Variants in GLYAT observed in about 807,000 individuals in gnomAD.
GLYAT encodes glycine N-acyltransferase.
GLYAT carries 25 observed loss-of-function variants against 22.8 expected under a neutral mutation model. The ratio of observed to expected loss-of-function variants is 1.09; its 90% confidence interval spans 0.80 to 1.53. The LOEUF is 1.53. Ranked by LOEUF, GLYAT falls within the 40% of genes most tolerant of loss-of-function variation. The pLI is 0.00. For synonymous variants in GLYAT, 140 were observed against 122.7 expected, an observed-to-expected ratio of 1.14 and a Z score of -0.93; for missense variants, 411 against 353.9, an observed-to-expected ratio of 1.16 and a Z score of -1.29.
chr11:58,724,577 G>T, intron 1 of GLYAT, 66 bp from the exon 2 acceptor site: 2 of 782,762 alleles, frequency 2.6e-6, no homozygotes, highest in Non-Finnish European at 1.9e-6. Context: ...AACAAGAGTA[G>T]CAAGTTCTTT....
At position 58,709,271 on chromosome 11, in the gene GLYAT, A is replaced by G. The variant is rs1856578915; in HGVS notation, c.*495T>C. ...TAATATCCCATATATATTTGTGTCC[A>G]GTATATTTAATGTACCTATAAAGTA... On this transcript the variant is annotated 3_prime_UTR_variant, in exon 6 of 6. Transcript: ENST00000344743. The G allele has an allele frequency of 1.3e-5, 2 of 154,992 alleles. No individual in the cohort carries two copies. The highest frequency in any genetic ancestry group is 2.9e-5 in the Non-Finnish European group (2 of 69,756). 9.6% of individuals were successfully genotyped at this position (154,992 alleles called of 1,614,324 possible). A position where few individuals can be genotyped will look rare whatever the true frequency, so the allele number is the denominator to read the frequency against.
At chr11:58,724,364 C>T in intron 2 of GLYAT, 52 bp downstream of exon 2, 1 of 976,898 alleles carries the variant, frequency 1.0e-6, no homozygotes, top group Non-Finnish European at 1.6e-6. Flanking sequence ...TTTCCCTCCT[C>T]TTTCACATCA....
intron 1 of GLYAT, 130 bp from the exon 2 acceptor site, chr11:58,724,641 A>G: frequency 2.4e-6 from 1 of 424,222 alleles, no homozygotes; most frequent in South Asian, 8.8e-5. Flanking sequence ...TCCTCAGCAA[A>G]TCCAAGAGAA....
intron 3 of GLYAT, among the ~76,000 whole-genome samples, chr11:58,714,577 C>A (rs1018355937): frequency 6.6e-6 from 1 of 152,122 alleles, no homozygotes; most frequent in South Asian, 2.1e-4. Flanking sequence ...ATAATCCCCA[C>A]GTGTAATGAG....
intron 2 of GLYAT, among the ~76,000 whole-genome samples, chr11:58,722,601 G>T (rs919801134): frequency 2.6e-5 from 4 of 152,084 alleles, no homozygotes; most frequent in African/African-American, 4.8e-5. Flanking sequence ...CCTTTCCAAA[G>T]AGGCAATCAG....
In GLYAT at chr11:58,710,660, C is replaced by A; in HGVS notation, c.418G>T (p.Ala140Ser). Residue 140 changes from alanine to serine, a missense_variant, in exon 5 of 6, where the codon GCC (alanine) becomes TCC (serine). Physicochemically the swap from Ala to Ser is moderately conservative, Grantham distance 99. Coordinates refer to ENST00000344743, the MANE Select transcript of GLYAT (RefSeq NM_201648.3). Reference sequence around the variant, plus strand: ...AGCAGGAAAGGAGTCAGTTCCTTGGCTGTTTCAGCTGCCATATAGAGAATG... The same window carrying A: ...AGCAGGAAAGGAGTCAGTTCCTTGGATGTTTCAGCTGCCATATAGAGAATG... ...QRILYMAAET[A>S]KELTPFLLKS... 1 of 1,611,852 alleles carries A rather than the reference C, an allele frequency of 6.2e-7. No individual in the cohort carries two copies. Among genetic ancestry groups the A allele is most frequent in the Non-Finnish European group, 8.5e-7 (1 of 1,177,970 alleles).
In GLYAT at chr11:58,720,457, C is replaced by T. The variant is rs191423897; in HGVS notation, c.81+3959G>A. On this transcript the variant is annotated intron_variant, in intron 2 of 5. Coordinates refer to ENST00000344743, the MANE Select transcript of GLYAT (RefSeq NM_201648.3). ...AAGATTATAACTGAGACAGTGAAAA[C>T]GGATTTGACCTAACTGACTCCATCT... is the stretch of plus-strand genomic sequence containing the variant. Among the ~76,000 whole-genome samples, 204 of 152,054 alleles carry T rather than the reference C, an allele frequency of 1.3e-3. 4 individuals carry two copies. The East Asian group carries it at 0.03, about 23-fold the overall frequency.
chr11:58,717,849 C>G (rs967315813), intron 2 of GLYAT, among the ~76,000 whole-genome samples: 1 of 151,952 alleles, frequency 6.6e-6, no homozygotes, highest in Admixed American at 6.6e-5. Flanking sequence ...TTTAAATTGG[C>G]TTTGATGAAA....
chr11:58,721,115 G>A (rs1266637153), intron 2 of GLYAT, among the ~76,000 whole-genome samples: 2 of 151,648 alleles, frequency 1.3e-5, no homozygotes, highest in Non-Finnish European at 2.9e-5. Flanking sequence ...GCATGCCAAC[G>A]GAAGTACATT....
At chr11:58,712,653 G>C in intron 4 of GLYAT, 107 bp downstream of exon 4, 3 of 949,224 alleles carry the variant, frequency 3.2e-6, no homozygotes, top group Non-Finnish European at 5.0e-6. Flanking sequence ...TAACAAAATT[G>C]ACAGCAGGCT....
chr11:58,731,125 TAAAC>T (rs1186006132), intron 1 of GLYAT, among the ~76,000 whole-genome samples: 4 of 152,192 alleles, frequency 2.6e-5, no homozygotes, highest in Admixed American at 6.5e-5. Flanking sequence ...ATAATTTAAA[TAAAC>T]AATAAATCTT....
Position 58,709,868 on chromosome 11 carries a change from A to C in GLYAT, c.789T>G (p.Ser263=). Residue 263 remains serine (S), a synonymous_variant, in exon 6 of 6, where the codon TCT becomes TCG. Transcript: ENST00000344743. Reference sequence around the variant, plus strand: ...TAGCTTCATTGCTGTAGTCTACATGAGAATAGACAGGAAACCCAAGTTTGC... The same window carrying C: ...TAGCTTCATTGCTGTAGTCTACATGCGAATAGACAGGAAACCCAAGTTTGC... ...KLGKLGFPVY[S]HVDYSNEAMQ... is the part of the protein sequence containing the mutation. The C allele has an allele frequency of 6.2e-7, 1 of 1,614,050 alleles. No homozygotes were observed. The highest frequency in any genetic ancestry group is 8.5e-7 in the Non-Finnish European group (1 of 1,179,924).
intron 5 of GLYAT, 40 bp from the exon 6 acceptor site, chr11:58,710,208 A>G (rs1590665609): frequency 1.9e-6 from 3 of 1,565,482 alleles, no homozygotes; most frequent in Non-Finnish European, 2.6e-6. Flanking sequence ...CCATTAGTAT[A>G]AAGGTTTGTA....
chr11:58,710,318 G>C (rs906158005), intron 5 of GLYAT, 150 bp from the exon 6 acceptor site: 1 of 1,306,902 alleles, frequency 7.7e-7, no homozygotes, highest in African/African-American at 1.5e-5. Flanking sequence ...AAGAGGAACA[G>C]AGTGAAGGTC....
intron 1 of GLYAT, chr11:58,728,804 G>A (rs1856835923): frequency 7.0e-6 from 1 of 143,286 alleles, no homozygotes; most frequent in Non-Finnish European, 1.5e-5. Flanking sequence ...AGAGAGATGA[G>A]AGAGAGAGAG....
intron 2 of GLYAT, among the ~76,000 whole-genome samples, chr11:58,721,933 A>G (rs1046883090): frequency 6.6e-6 from 1 of 152,106 alleles, no homozygotes; most frequent in Non-Finnish European, 1.5e-5. Flanking sequence ...ACTAACAATG[A>G]TCACCCAAAT....
In GLYAT at chr11:58,716,219, G is replaced by C. The variant is rs375320900; in HGVS notation, c.82-796C>G. 3.3e-5 allele frequency among the ~76,000 whole-genome samples: 5 copies of C among 152,158 alleles called. No homozygotes were observed. In the East Asian group the frequency reaches 7.7e-4, roughly 24 times the overall value. On this transcript the variant is annotated intron_variant, in intron 2 of 5. Coordinates refer to ENST00000344743, the MANE Select transcript of GLYAT (RefSeq NM_201648.3). Reference sequence around the variant, plus strand: ...GACAGTAAGTGTCCTTATGATTTTGGGGTTGTGGTATGCAGTAGTGGATGT... The same window carrying C: ...GACAGTAAGTGTCCTTATGATTTTGCGGTTGTGGTATGCAGTAGTGGATGT...
intron 2 of GLYAT, among the ~76,000 whole-genome samples, chr11:58,716,285 C>T (rs1442864152): frequency 1.3e-5 from 2 of 152,030 alleles, no homozygotes; most frequent in South Asian, 2.1e-4. Context: ...GAAGTTTCAG[C>T]TGATATCAGC....
At chr11:58,728,852 AAG>A in intron 1 of GLYAT, 1 of 40,756 alleles carries the variant, frequency 2.5e-5, no homozygotes, top group African/African-American at 8.1e-5. Context: ...GGAAAGAAAG[AAG>A]AAAGAAAGAA....
Sources: gnomAD v4.1 joint callset for allele counts (sites outside exome capture counted in the v4.1 genomes callset) on GRCh38, gnomAD v4.1.1 for gene constraint, MANE v1.5 for transcripts, NCBI Gene and HGNC (gene_info 2026-07-23, HGNC 2026-07-21) for gene names.